The following UQCRFS1 variants were observed in gnomAD, a reference collection of about 807,000 sequenced individuals.
UQCRFS1 encodes cytochrome b-c1 complex subunit Rieske, mitochondrial.
UQCRFS1 carries 6 observed loss-of-function variants against 15.6 expected under a neutral mutation model. The ratio of observed to expected loss-of-function variants is 0.38; its 90% CI spans 0.21 to 0.76. The LOEUF is 0.76. Among genes scored for constraint, UQCRFS1 ranks in the 30% least tolerant of loss-of-function variants. The pLI is 0.44. For missense variants in UQCRFS1, 203 were observed against 366.7 expected (o/e 0.55, Z 3.65); for synonymous variants, 105 against 154.3 (o/e 0.68, Z 2.37).
intron 1 of UQCRFS1, among the ~76,000 whole-genome samples, chr19:29,209,967 C>T (rs919708961): frequency 6.6e-6 from 1 of 151,994 alleles, no homozygotes; most frequent in East Asian, 1.9e-4. Context: ...AATTAAACTG[C>T]CCTGTTGCAA....
intron 1 of UQCRFS1, among the ~76,000 whole-genome samples, chr19:29,210,733 CCA>C (rs1446856413): frequency 6.6e-6 from 1 of 152,114 alleles, no homozygotes; most frequent in Non-Finnish European, 1.5e-5. Context: ...TGTATATGTG[CCA>C]CATTTTCTTA....
At chr19:29,212,250 G>C (rs1976661894) in intron 1 of UQCRFS1, among the ~76,000 whole-genome samples, 1 of 152,194 alleles carries the variant, frequency 6.6e-6, no homozygotes. Context: ...CCACACCACG[G>C]ATCCTGGTGC....
At chr19:29,211,544 T>C (rs575822987) in intron 1 of UQCRFS1, among the ~76,000 whole-genome samples, 22 of 152,246 alleles carry the variant, frequency 1.4e-4, no homozygotes, top group African/African-American at 5.1e-4. Flanking sequence ...TTGTGAAAGA[T>C]AGAAAAATAA....
In UQCRFS1 at chr19:29,207,227, T is replaced by C. The variant is rs1976603213; in HGVS notation, c.*321A>G. On this transcript the variant is annotated 3_prime_UTR_variant, in exon 2 of 2. Coordinates refer to ENST00000304863, the MANE Select transcript of UQCRFS1 (RefSeq NM_006003.3). The stretch of plus-strand genomic sequence containing the variant: ...CCTGACGCAAAGCAGGAAGCAAATA[T>C]TTGGGCAAGAAAATAAAGTCAGTTA... 1 of 213,142 alleles carries C rather than the reference T, an allele frequency of 4.7e-6. No individual in the cohort carries two copies. The highest frequency in any genetic ancestry group is 9.3e-6 in the Non-Finnish European group (1 of 107,690). 13.2% of individuals were successfully genotyped at this position (213,142 alleles called of 1,614,324 possible).
rs1976675504 is a variant in UQCRFS1 at position 29,212,931 on chromosome 19, G to A, written c.188C>T (p.Pro63Leu). 1 of 1,415,540 alleles carries A rather than the reference G, an allele frequency of 7.1e-7. No individual in the cohort carries two copies. Among genetic ancestry groups the A allele is most frequent in the South Asian group, 1.5e-5 (1 of 66,522 alleles). 87.7% of individuals were successfully genotyped at this position (1,415,540 alleles called of 1,614,324 possible). A position where few individuals can be genotyped will look rare whatever the true frequency, so the allele number is the denominator to read the frequency against. Reference protein sequence around the residue: ...ESLSGQAVRRPLVASVGLNVP... With the variant: ...ESLSGQAVRRLLVASVGLNVP... ...ATTGAGGCCCACGGAGGCGACCAAA[G>A]GCCGGCGCACGGCCTGGCCGCTCAG... The change falls in exon 1 of 2, where the codon CCT becomes CTT. Residue 63 changes from proline (P) to leucine (L), a missense_variant. Pro to Leu is a moderately conservative substitution (Grantham distance 98, BLOSUM62 -3). This residue lies in a region of UQCRFS1 where 92 missense variants were observed against 120.5 expected (regional missense o/e 0.76). Transcript: ENST00000304863.
intron 1 of UQCRFS1, 53 bp downstream of exon 1, chr19:29,212,852 G>T: frequency 7.3e-7 from 1 of 1,364,994 alleles, no homozygotes; most frequent in South Asian, 1.7e-5. Context: ...GGGGCCGGAG[G>T]AGCGGGCACC....
At chr19:29,212,665 G>C (rs1281188858) in intron 1 of UQCRFS1, among the ~76,000 whole-genome samples, 1 of 152,178 alleles carries the variant, frequency 6.6e-6, no homozygotes, top group Non-Finnish European at 1.5e-5. Context: ...CTGGAACAGC[G>C]GGACTACAGA....
Position 29,207,543 on chromosome 19 carries a change from G to A in UQCRFS1, c.*5C>T. On this transcript the variant is annotated 3_prime_UTR_variant, in exon 2 of 2. Transcript: ENST00000304863. ...AAAGAAGCCTATGACTTGAGTCCAA[G>A]TCTCTTAACCAACAATCACCATATC... 6.3e-7 allele frequency: 1 copy of A among 1,594,166 alleles called. No homozygotes were observed. The highest frequency in any genetic ancestry group is 8.6e-7 in the Non-Finnish European group (1 of 1,167,288).
Position 29,208,064 on chromosome 19 carries a change from T to C in UQCRFS1, c.309A>G (p.Ser103=). The C allele has an allele frequency of 1.2e-6, 2 of 1,614,086 alleles. No homozygotes were observed. Among genetic ancestry groups the C allele is most frequent in the Non-Finnish European group, 1.7e-6 (2 of 1,179,944 alleles). Residue 103 remains serine, a synonymous_variant, in exon 2 of 2, where the codon TCA becomes TCG. Coordinates refer to ENST00000304863, the MANE Select transcript of UQCRFS1 (RefSeq NM_006003.3). ...CTTTCCTAGCCTCGCTGCTTTCTCT[T>C]GAAGACTTCGTACTATCTAAAACTT... ...RLEVLDSTKS[S]RESSEARKGF... is the part of the protein sequence containing the mutation.
chr19:29,207,884 C>T lies in UQCRFS1; in HGVS notation c.489G>A (p.Lys163=). The T allele has an allele frequency of 6.2e-7, 1 of 1,614,022 alleles. No individual in the cohort carries two copies. Among genetic ancestry groups the T allele is most frequent in the Non-Finnish European group, 8.5e-7 (1 of 1,179,868 alleles). Residue 163 remains lysine (K), a synonymous_variant, in exon 2 of 2, where the codon AAG becomes AAA. Coordinates refer to ENST00000304863, the MANE Select transcript of UQCRFS1 (RefSeq NM_006003.3). ...EIKLSDIPEG[K]NMAFKWRGKP... is the part of the protein sequence containing the mutation. ...TGCCTCTCCATTTGAAAGCCATGTTCTTGCCTTCTGGAATATCGGATAACT... is the reference window on the plus strand; with the variant it reads ...TGCCTCTCCATTTGAAAGCCATGTTTTTGCCTTCTGGAATATCGGATAACT...
chr19:29,206,080 G>C lies in UQCRFS1; in HGVS notation c.*1468C>G, dbSNP rs560412038. On this transcript the variant is annotated 3_prime_UTR_variant, in exon 2 of 2. Transcript: ENST00000304863. ...TTTGGCAGCACAGGTTTTTTAGTGT[G>C]TGGACCTGTGTTCCCCTCACAACTC... The C allele has an allele frequency of 6.6e-6, 1 of 152,234 alleles. No homozygotes were observed. The highest frequency in any genetic ancestry group is 1.9e-4 in the East Asian group (1 of 5,166). 9.4% of individuals were successfully genotyped at this position (152,234 alleles called of 1,614,324 possible).
At chr19:29,210,226 G>A (rs1012318906) in intron 1 of UQCRFS1, among the ~76,000 whole-genome samples, 1 of 152,092 alleles carries the variant, frequency 6.6e-6, no homozygotes, top group African/African-American at 2.4e-5. Context: ...AAGCCATCCT[G>A]CCATGAACCA....
chr19:29,211,255 T>C (rs1294350522), intron 1 of UQCRFS1, among the ~76,000 whole-genome samples: 1 of 152,014 alleles, frequency 6.6e-6, no homozygotes, highest in African/African-American at 2.4e-5. Context: ...AAGACATTTA[T>C]GCAGCCAAAA....
rs1034518286 is a variant in UQCRFS1, at chr19:29,212,895, C to G, written c.214+10G>C. The stretch of plus-strand genomic sequence containing the variant: ...CCCCAGCCCTGCTCGCGGCCCTCGC[C>G]CCGGCTCACCATTGAGGCCCACGGA... On this transcript the variant is annotated intron_variant, in intron 1 of 1. Coordinates refer to ENST00000304863, the MANE Select transcript of UQCRFS1 (RefSeq NM_006003.3). The G allele has an allele frequency of 2.8e-5, 40 of 1,429,138 alleles. No homozygotes were observed. The highest frequency in any genetic ancestry group is 3.5e-5 in the Non-Finnish European group (39 of 1,102,762). The allele number at this position is 1,429,138 out of a possible 1,614,324, so 88.5% of individuals were successfully genotyped here.
In UQCRFS1 at chr19:29,213,073, A is replaced by G. The variant is rs945995414; in HGVS notation, c.46T>C (p.Ser16Pro). ...SRSGPFAPVL[S>P]ATSRGVAGAL... ...CCCGCCACCCCGCGGGACGTGGCCG[A>G]CAGGACGGGCGCGAACGGGCCTGAG... The change falls in exon 1 of 2, where the codon TCG (serine) becomes CCG (proline). Residue 16 changes from serine (S) to proline (P), a missense_variant. Around this residue, in one of 3 missense-constraint regions of UQCRFS1, gnomAD observed 20 missense variants for 59.3 expected, o/e 0.34. Coordinates refer to ENST00000304863, the MANE Select transcript of UQCRFS1 (RefSeq NM_006003.3). 5.4e-6 allele frequency: 8 copies of G among 1,479,680 alleles called. No homozygotes were observed. The highest frequency in any genetic ancestry group is 7.1e-6 in the Non-Finnish European group (8 of 1,125,792). The allele number at this position is 1,479,680 out of a possible 1,614,324, so 91.7% of individuals were successfully genotyped here.
Position 29,212,893 on chromosome 19 carries a change from G to C in UQCRFS1, c.214+12C>G. The C allele has an allele frequency of 1.4e-6, 2 of 1,427,128 alleles. No individual in the cohort carries two copies. Among genetic ancestry groups the C allele is most frequent in the Non-Finnish European group, 1.8e-6 (2 of 1,101,460 alleles). The allele number at this position is 1,427,128 out of a possible 1,614,324, so 88.4% of individuals were successfully genotyped here. A position where few individuals can be genotyped will look rare whatever the true frequency, so the allele number is the denominator to read the frequency against. On this transcript the variant is annotated intron_variant, in intron 1 of 1. Coordinates refer to ENST00000304863, the MANE Select transcript of UQCRFS1 (RefSeq NM_006003.3). The stretch of plus-strand genomic sequence containing the variant: ...ACCCCCAGCCCTGCTCGCGGCCCTC[G>C]CCCCGGCTCACCATTGAGGCCCACG...
At chr19:29,208,296 T>C in intron 1 of UQCRFS1, 138 bp from the exon 2 acceptor site, 1 of 1,176,390 alleles carries the variant, frequency 8.5e-7, no homozygotes, top group Non-Finnish European at 1.2e-6. Flanking sequence ...TCACTGGGTC[T>C]CAGAAATAGT....
Position 29,206,409 on chromosome 19 carries a change from G to A in UQCRFS1, c.*1139C>T, listed in dbSNP as rs1976594932. 1 of 152,170 alleles carries A rather than the reference G, an allele frequency of 6.6e-6. No individual in the cohort carries two copies. The highest frequency in any genetic ancestry group is 1.5e-5 in the Non-Finnish European group (1 of 68,030). 9.4% of individuals were successfully genotyped at this position (152,170 alleles called of 1,614,324 possible). On this transcript the variant is annotated 3_prime_UTR_variant, in exon 2 of 2. Coordinates refer to ENST00000304863, the MANE Select transcript of UQCRFS1 (RefSeq NM_006003.3). The stretch of plus-strand genomic sequence containing the variant: ...ACCATTTTTGCCATTTTAAAAAAGT[G>A]TACATGAGATTATCAGGTAGACTCA...
At chr19:29,212,046 T>C (rs1976658338) in intron 1 of UQCRFS1, among the ~76,000 whole-genome samples, 1 of 152,206 alleles carries the variant, frequency 6.6e-6, no homozygotes, top group Admixed American at 6.5e-5. Flanking sequence ...CCCAGTTTTT[T>C]TGAAAACTAC....
Sources: gnomAD v4.1 joint callset for allele counts (sites outside exome capture counted in the v4.1 genomes callset) on GRCh38, gnomAD v4.1.1 for gene constraint, gnomAD v4.1.1 regional missense constraint, MANE v1.5 for transcripts, NCBI Gene and HGNC (gene_info 2026-07-23, HGNC 2026-07-21) for gene names.